Variants in ZNF212 observed in about 807,000 individuals in gnomAD.
The protein encoded by ZNF212 is Zinc finger protein C2H2-150.
In ZNF212, 32 loss-of-function variants were observed where a neutral mutation model predicts 47.3. That is an observed-to-expected ratio of 0.68 (90% CI 0.51 to 0.91). The LOEUF is 0.91. ZNF212 is among the 40% of genes least tolerant of loss of function. The pLI is 0.00. For missense variants in ZNF212, 555 were observed against 622.8 expected (o/e 0.89, Z 1.16); for synonymous variants, 242 against 253.8 (o/e 0.95, Z 0.44).
intron 3 of ZNF212, chr7:149,251,130 A>G (rs1796750415): frequency 3.7e-6 from 1 of 271,038 alleles, no homozygotes; most frequent in Admixed American, 5.1e-5. Context: ...CATATACCCT[A>G]TAGTGTGATA....
intron 1 of ZNF212, among the ~76,000 whole-genome samples, chr7:149,241,265 C>G (rs962524384): frequency 6.6e-6 from 1 of 152,028 alleles, no homozygotes; most frequent in Non-Finnish European, 1.5e-5. Flanking sequence ...AACCCGGTCT[C>G]TACTAAAAAT....
At chr7:149,251,669 TG>T (rs1450772431) in intron 3 of ZNF212, among the ~76,000 whole-genome samples, 12 of 151,942 alleles carry the variant, frequency 7.9e-5, no homozygotes, top group Admixed American at 2.6e-4. Flanking sequence ...TTAAATTTTT[TG>T]TAGAGACGTG....
rs1205024154 is a variant in ZNF212, at chr7:149,250,242, C to G, written c.108C>G (p.Thr36=). The part of the protein sequence containing the change: ...QATEKSSYFQ[T]TEISLWTVVA... ...CAGAGAAAAGCTCCTATTTTCAGAC[C>G]ACCGAGATTTCACTCTGGACGGTGG... is the stretch of plus-strand genomic sequence containing the variant. Residue 36 remains threonine (T), a synonymous_variant, in exon 2 of 5, where the codon ACC becomes ACG. Transcript: ENST00000335870. The G allele has an allele frequency of 1.9e-6, 3 of 1,603,904 alleles. No homozygotes were observed. Among genetic ancestry groups the G allele is most frequent in the Non-Finnish European group, 2.6e-6 (3 of 1,174,992 alleles).
At chr7:149,253,262 ATTC>A (rs1796784024) in intron 4 of ZNF212, among the ~76,000 whole-genome samples, 1 of 152,194 alleles carries the variant, frequency 6.6e-6, no homozygotes, top group South Asian at 2.1e-4. Context: ...GTTACAGTGT[ATTC>A]TGTCATTTTT....
chr7:149,254,644 G>A lies in ZNF212; in HGVS notation c.*229G>A, dbSNP rs976737986. 50 of 594,554 alleles carry A rather than the reference G, an allele frequency of 8.4e-5. No individual in the cohort carries two copies. In the South Asian group the frequency reaches 1.2e-3, roughly 14 times the overall value. 36.8% of individuals were successfully genotyped at this position (594,554 alleles called of 1,614,324 possible). On this transcript the variant is annotated 3_prime_UTR_variant, in exon 5 of 5. Transcript: ENST00000335870. The surrounding 1 kb of genome is among the most constrained non-coding windows in gnomAD (Gnocchi z 4.5). ...GTTTGCTGTTTCTTGGCACCTTCAG[G>A]TCTCTGGTTTTCTCATTCATGCCAA...
chr7:149,240,204 C>CT (rs79859597), intron 1 of ZNF212: 7,180 of 207,308 alleles, frequency 0.035, 179 homozygotes, highest in East Asian at 0.082. Flanking sequence ...ACTTGCCTCT[C>CT]TGCGACCACC....
chr7:149,244,802 A>G (rs1330409244), intron 1 of ZNF212, among the ~76,000 whole-genome samples: 1 of 152,162 alleles, frequency 6.6e-6, no homozygotes, highest in Admixed American at 6.5e-5. Context: ...AGAACACTTC[A>G]TGCACCCTCT....
At chr7:149,248,732 ATTTTG>A (rs1796712080) in intron 1 of ZNF212, among the ~76,000 whole-genome samples, 1 of 152,140 alleles carries the variant, frequency 6.6e-6, no homozygotes, top group African/African-American at 2.4e-5. Context: ...CCAGTTTAAT[ATTTTG>A]TTTTGTTTCG....
At chr7:149,242,396 A>T (rs1227596727) in intron 1 of ZNF212, among the ~76,000 whole-genome samples, 1 of 152,154 alleles carries the variant, frequency 6.6e-6, no homozygotes, top group Non-Finnish European at 1.5e-5. Flanking sequence ...AGCAAAATGA[A>T]TGGGGGCCAG....
intron 1 of ZNF212, among the ~76,000 whole-genome samples, chr7:149,241,305 G>A (rs1796584047): frequency 6.6e-6 from 1 of 151,976 alleles, no homozygotes; most frequent in African/African-American, 2.4e-5. Flanking sequence ...GGTGGCGGGT[G>A]CCTGTAGACC....
chr7:149,249,096 G>T (rs1796717125), intron 1 of ZNF212, among the ~76,000 whole-genome samples: 1 of 152,200 alleles, frequency 6.6e-6, no homozygotes, highest in African/African-American at 2.4e-5. Flanking sequence ...CAGGGAGACA[G>T]TAGGGGGACA....
chr7:149,239,680 G>GCGA lies in ZNF212; in HGVS notation c.-97_-96insACG. On this transcript the variant is annotated 5_prime_UTR_variant, in exon 1 of 5. Coordinates refer to ENST00000335870, the MANE Select transcript of ZNF212 (RefSeq NM_012256.4). ...TGCACCTGGCATCAACACGGCGGCG[G>GCGA]CGGCGGCGGCTTCCAACAGGCTCTG... 1 of 1,283,736 alleles carries GCGA rather than the reference G, an allele frequency of 7.8e-7. No individual in the cohort carries two copies. Among genetic ancestry groups the GCGA allele is most frequent in the Non-Finnish European group, 9.9e-7 (1 of 1,008,004 alleles). The allele number at this position is 1,283,736 out of a possible 1,614,324, so 79.5% of individuals were successfully genotyped here. A position where few individuals can be genotyped will look rare whatever the true frequency, so the allele number is the denominator to read the frequency against.
At chr7:149,239,839 TG>T in intron 1 of ZNF212, 37 bp downstream of exon 1, 2 of 1,266,548 alleles carry the variant, frequency 1.6e-6, no homozygotes, top group Non-Finnish European at 2.0e-6. Flanking sequence ...GAGGGCGCGT[TG>T]GGGATGGCGG....
In ZNF212 at chr7:149,254,198, G is replaced by T. The variant is rs145263112; in HGVS notation, c.1271G>T (p.Arg424Leu). 58 of 1,614,142 alleles carry T rather than the reference G, an allele frequency of 3.6e-5. No individual in the cohort carries two copies. Among genetic ancestry groups the T allele is most frequent in the Non-Finnish European group, 4.8e-5 (57 of 1,180,046 alleles). The part of the protein sequence containing the change: ...LPGHIPWRKS[R>L]SSLICGYCGK... ...GGCCACATCCCTTGGAGGAAAAGCC[G>T]GAGTTCCCTCATCTGTGGTTACTGT... Residue 424 changes from arginine to leucine, a missense_variant, in exon 5 of 5, where the codon CGG becomes CTG. Transcript: ENST00000335870. The surrounding 1 kb of genome is among the most constrained non-coding windows in gnomAD (Gnocchi z 4.5).
At chr7:149,239,887 G>A in intron 1 of ZNF212, 85 bp downstream of exon 1, 1 of 1,249,662 alleles carries the variant, frequency 8.0e-7, no homozygotes, top group Non-Finnish European at 1.0e-6. Context: ...CGGTTTGGAC[G>A]CCGCCGGGGT....
chr7:149,239,886 C>T (rs1304678688), intron 1 of ZNF212, 84 bp downstream of exon 1: 6 of 1,251,978 alleles, frequency 4.8e-6, no homozygotes, highest in East Asian at 3.1e-5. Context: ...GCGGTTTGGA[C>T]GCCGCCGGGG....
Position 149,255,327 on chromosome 7 carries a change from G to T in ZNF212, c.*912G>T, listed in dbSNP as rs934012940. 2.6e-5 allele frequency: 4 copies of T among 153,712 alleles called. No homozygotes were observed. The highest frequency in any genetic ancestry group is 9.7e-5 in the African/African-American group (4 of 41,422). The allele number at this position is 153,712 out of a possible 1,614,324, so 9.5% of individuals were successfully genotyped here. On this transcript the variant is annotated 3_prime_UTR_variant, in exon 5 of 5. Coordinates refer to ENST00000335870, the MANE Select transcript of ZNF212 (RefSeq NM_012256.4). ...GTAGAAAACTACTTTGTTACTTAAG[G>T]TTGTTCACCTTGTACCAGTGGTTAT...
chr7:149,243,120 G>C (rs577795232), intron 1 of ZNF212, among the ~76,000 whole-genome samples: 1 of 152,184 alleles, frequency 6.6e-6, no homozygotes, highest in Non-Finnish European at 1.5e-5. Context: ...CCGGCTGGGC[G>C]TGGTGGCTCA....
chr7:149,251,941 T>TAAAAA lies in ZNF212; in HGVS notation c.542-747_542-743dup, dbSNP rs36067111. Reference sequence around the variant, plus strand: ...TCGACATAGTGAGATCTCTGTTGCTTAAAAAAAAAAAAAAAAAAAAAAGAT... The same window carrying TAAAAA: ...TCGACATAGTGAGATCTCTGTTGCTTAAAAAAAAAAAAAAAAAAAAAAAAAAAGAT... On this transcript the variant is annotated intron_variant, in intron 3 of 4. Transcript: ENST00000335870. Among the ~76,000 whole-genome samples, 110 of 109,520 alleles carry TAAAAA rather than the reference T, an allele frequency of 1.0e-3. 1 individual carries two copies. Among genetic ancestry groups the TAAAAA allele is most frequent in the South Asian group, 1.6e-3 (5 of 3,196 alleles). The allele number at this position is 109,520 out of a possible 152,430, so 71.8% of individuals were successfully genotyped here. A position where few individuals can be genotyped will look rare whatever the true frequency, so the allele number is the denominator to read the frequency against.
Sources: allele counts gnomAD v4.1 joint callset (sites outside exome capture counted in the v4.1 genomes callset), GRCh38; gene constraint gnomAD v4.1.1; non-coding constraint Gnocchi (gnomAD v3.1); transcripts MANE v1.5; gene names NCBI Gene and HGNC (gene_info 2026-07-23, HGNC 2026-07-21).